AGMO: variants seen among roughly 807,000 people sequenced by gnomAD.
AGMO encodes the protein glyceryl-ether monooxygenase.
In AGMO, 75 loss-of-function variants were observed where a neutral mutation model predicts 60.2. That is an observed-to-expected ratio of 1.25 (90% CI 1.03 to 1.51). The LOEUF (loss-of-function observed/expected upper bound fraction) is 1.51, where lower values mean the gene tolerates loss of function less well. Ranked by LOEUF, AGMO falls within the 40% of genes most tolerant of loss-of-function variation. AGMO has a pLI of 0.00. For synonymous variants in AGMO, 261 were observed against 177.1 expected, an observed-to-expected ratio of 1.47 and a Z score of -3.76; for missense variants, 763 against 525.5, an observed-to-expected ratio of 1.45 and a Z score of -4.42.
At chr7:15,248,548 G>T (rs1280903564) in intron 12 of AGMO, among the ~76,000 whole-genome samples, 1 of 151,986 alleles carries the variant, frequency 6.6e-6, no homozygotes, top group African/African-American at 2.4e-5. Context: ...TGAGTCTTTT[G>T]TTCCACCTTT....
the AGMO span, among the ~76,000 whole-genome samples, chr7:15,158,052 A>C: frequency 6.6e-6 from 1 of 152,158 alleles, no homozygotes. Flanking sequence ...TAAAAATATT[A>C]AATATTATAT....
intron 10 of AGMO, among the ~76,000 whole-genome samples, chr7:15,378,248 T>C (rs891296987): frequency 2.6e-5 from 4 of 152,040 alleles, no homozygotes; most frequent in Non-Finnish European, 5.9e-5. Context: ...AACTTATCTA[T>C]TGTTTAAAAT....
chr7:15,272,498 A>G (rs1160071541), intron 12 of AGMO, among the ~76,000 whole-genome samples: 1 of 151,890 alleles, frequency 6.6e-6, no homozygotes, highest in Non-Finnish European at 1.5e-5. Flanking sequence ...CATGGTGTAT[A>G]TGTGCCTCAT....
intron 12 of AGMO, among the ~76,000 whole-genome samples, chr7:15,261,318 A>G (rs1392028957): frequency 6.6e-6 from 1 of 152,108 alleles, no homozygotes; most frequent in African/African-American, 2.4e-5. Context: ...GAAATGGGAG[A>G]TACTACAAGT....
chr7:15,554,478 A>G (rs1471740489), intron 2 of AGMO, among the ~76,000 whole-genome samples: 17 of 152,070 alleles, frequency 1.1e-4, no homozygotes, highest in African/African-American at 2.4e-5. Context: ...ACCTGCATAT[A>G]GAGAGACTTT....
At chr7:15,463,006 G>T (rs984599573) in intron 3 of AGMO, among the ~76,000 whole-genome samples, 4 of 152,136 alleles carry the variant, frequency 2.6e-5, no homozygotes, top group African/African-American at 7.2e-5. Flanking sequence ...TGTGAATCAA[G>T]TTAGCTGGAT....
At chr7:15,362,393 G>C (rs1031547524) in intron 12 of AGMO, among the ~76,000 whole-genome samples, 1 of 152,108 alleles carries the variant, frequency 6.6e-6, no homozygotes, top group Admixed American at 6.5e-5. Flanking sequence ...TCTCAACAGA[G>C]AAGACTTGCT....
chr7:15,235,200 A>C (rs1054336023), intron 12 of AGMO, among the ~76,000 whole-genome samples: 9 of 151,940 alleles, frequency 5.9e-5, no homozygotes, highest in African/African-American at 1.9e-4. Context: ...AATCTCTCTT[A>C]ATCTATAATA....
the AGMO span, among the ~76,000 whole-genome samples, chr7:15,150,692 G>T: frequency 6.6e-6 from 1 of 152,112 alleles, no homozygotes; most frequent in African/African-American, 2.4e-5. Context: ...TGTACAGCTG[G>T]ATTTGATTGG....
the AGMO span, among the ~76,000 whole-genome samples, chr7:15,190,093 A>ATT: frequency 0.016 from 8 of 496 alleles, 1 homozygote; most frequent in Admixed American, 0.058. Context: ...ATATATATAT[A>ATT]TTTATATATA....
intron 12 of AGMO, among the ~76,000 whole-genome samples, chr7:15,290,730 T>C (rs1668590841): frequency 6.6e-6 from 1 of 152,136 alleles, no homozygotes; most frequent in Admixed American, 6.5e-5. Flanking sequence ...TTTTATCAAA[T>C]CATCAAAAAA....
rs78008208 is a variant in AGMO, at chr7:15,302,741, T to C, written c.1263+62773A>G. Among the ~76,000 whole-genome samples the C allele has an allele frequency of 4.8e-3, 724 of 152,252 alleles. 6 individuals are homozygous for C. The highest frequency in any genetic ancestry group is 0.016 in the African/African-American group (682 of 41,552). On this transcript the variant is annotated intron_variant, in intron 12 of 12. Transcript: ENST00000342526. ...AAGCCTTTTTGTTTTGTTTTGTTCA[T>C]TGCTGTACCTCCATCATATGGTACG...
At chr7:15,549,581 T>C (rs1376418611) in intron 2 of AGMO, among the ~76,000 whole-genome samples, 2 of 150,400 alleles carry the variant, frequency 1.3e-5, no homozygotes, top group African/African-American at 2.4e-5. Flanking sequence ...GGCCATTACA[T>C]AATGGTAAAG....
At chr7:15,395,836 G>GT (rs1047201631) in intron 5 of AGMO, among the ~76,000 whole-genome samples, 1 of 152,146 alleles carries the variant, frequency 6.6e-6, no homozygotes, top group South Asian at 2.1e-4. Flanking sequence ...AGGAGCGTTT[G>GT]TTTTTTGACA....
chr7:15,433,435 A>T (rs372938178), intron 3 of AGMO, among the ~76,000 whole-genome samples: 1 of 63,284 alleles, frequency 1.6e-5, no homozygotes, highest in Non-Finnish European at 3.5e-5. Context: ...CAGAATTGGT[A>T]AAAAAAAAAG....
intron 3 of AGMO, among the ~76,000 whole-genome samples, chr7:15,516,852 C>G (rs1371136201): frequency 6.6e-6 from 1 of 151,546 alleles, no homozygotes; most frequent in Non-Finnish European, 1.5e-5. Context: ...CCTTCTGGCT[C>G]TGGAGAGAGC....
At chr7:15,128,546 G>C in the AGMO span, among the ~76,000 whole-genome samples, 1 of 151,866 alleles carries the variant, frequency 6.6e-6, no homozygotes, top group South Asian at 2.1e-4. Flanking sequence ...TCTAATTGAA[G>C]ACAAGATTAT....
At chr7:15,350,108 T>C (rs747409360) in intron 12 of AGMO, among the ~76,000 whole-genome samples, 1 of 152,172 alleles carries the variant, frequency 6.6e-6, no homozygotes, top group East Asian at 1.9e-4. Context: ...CAATGTTAAT[T>C]CATAATAACT....
chr7:15,351,484 T>G (rs1344751446), intron 12 of AGMO, among the ~76,000 whole-genome samples: 6 of 152,144 alleles, frequency 3.9e-5, no homozygotes, highest in Non-Finnish European at 7.4e-5. Context: ...AATAAAAATG[T>G]GCATGTAAAA....
Sources: allele counts gnomAD v4.1 joint callset (sites outside exome capture counted in the v4.1 genomes callset), GRCh38; gene constraint gnomAD v4.1.1; transcripts MANE v1.5; gene names NCBI Gene and HGNC (gene_info 2026-07-23, HGNC 2026-07-21).